The following PTPRQ variants were observed in gnomAD, a reference collection of about 807,000 sequenced individuals.
PTPRQ encodes phosphatidylinositol phosphatase PTPRQ.
Under a neutral mutation model 246.0 loss-of-function variants are expected in PTPRQ, and 199 were observed. The observed-to-expected ratio is 0.81, with a 90% CI of 0.72 to 0.91. The LOEUF (loss-of-function observed/expected upper bound fraction) is 0.91, where lower values mean the gene tolerates loss of function less well. Among genes scored for constraint, PTPRQ ranks in the 40% least tolerant of loss-of-function variants. PTPRQ has a pLI of 0.00. For synonymous variants in PTPRQ, 869 were observed against 853.2 expected (o/e 1.02, Z -0.32); for missense variants, 2,624 against 2,528.4 (o/e 1.04, Z -0.81).
chr12:80,537,493 C>A (rs1389580592), intron 19 of PTPRQ, among the ~76,000 whole-genome samples: 1 of 152,100 alleles, frequency 6.6e-6, no homozygotes, highest in African/African-American at 2.4e-5. Flanking sequence ...TTTTCATCTC[C>A]AAAAGTCTTC....
rs1405782678 is a variant in PTPRQ, at chr12:80,468,848, A to C, written c.1039+10A>C. 5.8e-6 allele frequency: 9 copies of C among 1,544,782 alleles called. No homozygotes were observed. In the East Asian group the frequency reaches 2.0e-4, roughly 34 times the overall value. Reference sequence around the variant, plus strand: ...TTATATGGACCATCAGGTAAGCCTTAATTGGTTTTGTGTTTGCCTTTTGGA... The same window carrying C: ...TTATATGGACCATCAGGTAAGCCTTCATTGGTTTTGTGTTTGCCTTTTGGA... On this transcript the variant is annotated intron_variant, in intron 7 of 44. Coordinates refer to ENST00000644991, the MANE Select transcript of PTPRQ (RefSeq NM_001145026.2).
rs745899202 is a variant in PTPRQ, at chr12:80,632,181, C to A, written c.5687-11C>A. ...ATAATATTTAATGATCCTGTTATCCCTCTTCTCCAGGGGAAGGACTTTCAG... is the reference window on the plus strand; with the variant it reads ...ATAATATTTAATGATCCTGTTATCCATCTTCTCCAGGGGAAGGACTTTCAG... On this transcript the variant is annotated splice_polypyrimidine_tract_variant and intron_variant, in intron 33 of 44. Coordinates refer to ENST00000644991, the MANE Select transcript of PTPRQ (RefSeq NM_001145026.2). 2 of 1,549,660 alleles carry A rather than the reference C, an allele frequency of 1.3e-6. No homozygotes were observed. The highest frequency in any genetic ancestry group is 2.4e-5 in the South Asian group (2 of 83,336).
Position 80,649,624 on chromosome 12 carries a change from A to G in PTPRQ, c.5979A>G (p.Glu1993=). The G allele has an allele frequency of 6.5e-7, 1 of 1,550,176 alleles. No homozygotes were observed. The highest frequency in any genetic ancestry group is 8.7e-7 in the Non-Finnish European group (1 of 1,146,002). ...ISKKSFLQHV[E]ELCTNNNLKF... ...AGAAATCCTTCCTGCAACATGTTGA[A>G]GAGCTTTGCACAAACAACAACCTAA... The change falls in exon 37 of 45, where the codon GAA becomes GAG. Residue 1993 remains glutamate (E), a synonymous_variant. Transcript: ENST00000644991.
At chr12:80,669,903 G>T (rs1900913699) in intron 41 of PTPRQ, among the ~76,000 whole-genome samples, 1 of 151,938 alleles carries the variant, frequency 6.6e-6, no homozygotes. Flanking sequence ...AGATCTTTAT[G>T]GGATCACTTT....
chr12:80,461,805 A>G (rs1893180056), intron 6 of PTPRQ, among the ~76,000 whole-genome samples: 1 of 151,546 alleles, frequency 6.6e-6, no homozygotes. Flanking sequence ...GTTCATTTAA[A>G]TAACCATCTT....
intron 14 of PTPRQ, among the ~76,000 whole-genome samples, chr12:80,504,225 A>G (rs1283911363): frequency 1.3e-5 from 2 of 151,486 alleles, no homozygotes; most frequent in African/African-American, 2.4e-5. Context: ...ATTCTTGATA[A>G]TTTCTTCAAT....
intron 43 of PTPRQ, among the ~76,000 whole-genome samples, chr12:80,674,752 T>C (rs1248107134): frequency 6.6e-6 from 1 of 152,180 alleles, no homozygotes; most frequent in Non-Finnish European, 1.5e-5. Flanking sequence ...AAAAAGAAAA[T>C]ATATACTTAA....
intron 33 of PTPRQ, among the ~76,000 whole-genome samples, chr12:80,624,499 G>A (rs542398129): frequency 2.4e-4 from 37 of 152,262 alleles, no homozygotes; most frequent in African/African-American, 7.9e-4. Context: ...CATTTATAGC[G>A]AGTAAGACAG....
At chr12:80,561,191 A>G (rs931781372) in intron 25 of PTPRQ, 1 of 152,198 alleles carries the variant, frequency 6.6e-6, no homozygotes, top group African/African-American at 2.4e-5. Flanking sequence ...CAGAGAGGAA[A>G]TTTGAGCTGG....
intron 35 of PTPRQ, among the ~76,000 whole-genome samples, chr12:80,642,750 C>T (rs1565836664): frequency 6.6e-6 from 1 of 150,712 alleles, no homozygotes; most frequent in African/African-American, 2.4e-5. Flanking sequence ...GAAACCCCGT[C>T]TCTACTAAAA....
At chr12:80,483,310 G>A (rs1374636014) in intron 8 of PTPRQ, among the ~76,000 whole-genome samples, 1 of 142,526 alleles carries the variant, frequency 7.0e-6, no homozygotes, top group Admixed American at 7.1e-5. Context: ...CTCACTCATA[G>A]ATGGGAATTG....
chr12:80,645,809 G>A (rs1197427713), intron 35 of PTPRQ, among the ~76,000 whole-genome samples: 1 of 151,986 alleles, frequency 6.6e-6, no homozygotes, highest in African/African-American at 2.4e-5. Flanking sequence ...AAATTGAGAG[G>A]GAGGGATATA....
At chr12:80,661,209 GA>G (rs1035897462) in intron 39 of PTPRQ, among the ~76,000 whole-genome samples, 5 of 137,602 alleles carry the variant, frequency 3.6e-5, no homozygotes, top group South Asian at 2.1e-4. Flanking sequence ...CATACAAAAG[GA>G]AAAAATATAT....
chr12:80,599,424 T>C (rs1414251885), intron 26 of PTPRQ, among the ~76,000 whole-genome samples: 1 of 151,888 alleles, frequency 6.6e-6, no homozygotes, highest in Admixed American at 6.6e-5. Flanking sequence ...TGACAGTTTA[T>C]GGGGAGACAA....
intron 9 of PTPRQ, 144 bp from the exon 10 acceptor site, chr12:80,493,131 T>A: frequency 2.2e-6 from 2 of 900,548 alleles, no homozygotes; most frequent in South Asian, 4.0e-5. Flanking sequence ...AATTTTGGAA[T>A]CTAAAGAAGA....
chr12:80,642,753 T>C (rs1899911950), intron 35 of PTPRQ, among the ~76,000 whole-genome samples: 1 of 150,498 alleles, frequency 6.6e-6, no homozygotes. Flanking sequence ...ACCCCGTCTC[T>C]ACTAAAAATA....
In PTPRQ at chr12:80,635,038, G is replaced by T. The variant is rs1255992180; in HGVS notation, c.5880G>T (p.Val1960=). Reference sequence around the variant, plus strand: ...TGAAGCTGGATCAGCTCATCACAGTGGCAGACCTGGAACTGAAGGACGAGA... The same window carrying T: ...TGAAGCTGGATCAGCTCATCACAGTTGCAGACCTGGAACTGAAGGACGAGA... The part of the protein sequence containing the change: ...TKLKLDQLIT[V]ADLELKDERL... Residue 1960 remains valine (V), a synonymous_variant, in exon 35 of 45, where the codon GTG becomes GTT. Coordinates refer to ENST00000644991, the MANE Select transcript of PTPRQ (RefSeq NM_001145026.2). 1 of 1,551,100 alleles carries T rather than the reference G, an allele frequency of 6.4e-7. No individual in the cohort carries two copies.
Position 80,510,375 on chromosome 12 carries a change from G to T in PTPRQ, c.2610G>T (p.Thr870=), listed in dbSNP as rs916670999. The change falls in exon 17 of 45, where the codon ACG becomes ACT. Residue 870 remains threonine, a synonymous_variant. Coordinates refer to ENST00000644991, the MANE Select transcript of PTPRQ (RefSeq NM_001145026.2). ...CTGTAAAACAGTTGTCTGGTGTCAC[G>T]GTGAAGTTGTCATGGCAACCACCCC... ...DFSVKQLSGV[T]VKLSWQPPLE... is the part of the protein sequence containing the mutation. 2.6e-6 allele frequency: 4 copies of T among 1,549,698 alleles called. No homozygotes were observed. Among genetic ancestry groups the T allele is most frequent in the Non-Finnish European group, 3.5e-6 (4 of 1,145,854 alleles).
chr12:80,618,600 G>A (rs1273923602), intron 30 of PTPRQ, among the ~76,000 whole-genome samples: 1 of 151,488 alleles, frequency 6.6e-6, no homozygotes, highest in Non-Finnish European at 1.5e-5. Flanking sequence ...GAGACAAAAA[G>A]ATCAGTAAAT....
Sources: gnomAD v4.1 joint callset for allele counts (sites outside exome capture counted in the v4.1 genomes callset) on GRCh38, gnomAD v4.1.1 for gene constraint, MANE v1.5 for transcripts, NCBI Gene and HGNC (gene_info 2026-07-23, HGNC 2026-07-21) for gene names.